Variants in VAT1L observed in about 807,000 individuals in gnomAD.
VAT1L encodes the protein putative NADPH-dependent quinone oxidoreductase VAT1L.
In VAT1L, 34 loss-of-function variants were observed where a neutral mutation model predicts 44.1. The observed-to-expected ratio is 0.77, with a 90% CI of 0.59 to 1.03. The LOEUF is 1.03. VAT1L is among the 50% of genes least tolerant of loss of function. The pLI is 0.00. For synonymous variants in VAT1L, 253 were observed against 202.2 expected, an observed-to-expected ratio of 1.25 and a Z score of -2.13; for missense variants, 615 against 538.8, an observed-to-expected ratio of 1.14 and a Z score of -1.40.
At chr16:77,954,426 A>G (rs1421360372) in intron 7 of VAT1L, among the ~76,000 whole-genome samples, 2 of 152,214 alleles carry the variant, frequency 1.3e-5, no homozygotes, top group Admixed American at 6.5e-5. Context: ...GGAGTTCGAG[A>G]CCAGCCTGAC....
intron 4 of VAT1L, among the ~76,000 whole-genome samples, chr16:77,865,351 T>G (rs1437774602): frequency 6.6e-6 from 1 of 152,172 alleles, no homozygotes; most frequent in African/African-American, 2.4e-5. Flanking sequence ...ATTGTTTCTT[T>G]GACTTCCTTA....
intron 7 of VAT1L, among the ~76,000 whole-genome samples, chr16:77,943,785 C>A (rs1458783664): frequency 1.3e-5 from 2 of 152,130 alleles, no homozygotes; most frequent in Admixed American, 6.6e-5. Context: ...AATGAAATTT[C>A]TAGGAGCACA....
At chr16:77,973,532 C>T (rs1248465533) in intron 8 of VAT1L, among the ~76,000 whole-genome samples, 1 of 152,170 alleles carries the variant, frequency 6.6e-6, no homozygotes, top group African/African-American at 2.4e-5. Context: ...ATACGCCCGC[C>T]TCAGCCTCCC....
At chr16:77,922,955 T>C (rs546052269) in intron 7 of VAT1L, among the ~76,000 whole-genome samples, 46 of 152,264 alleles carry the variant, frequency 3.0e-4, no homozygotes, top group African/African-American at 1.0e-3. Context: ...GTTTGTTCAA[T>C]CTTCGTTGAC....
At chr16:77,847,387 G>A (rs1020305906) in intron 3 of VAT1L, among the ~76,000 whole-genome samples, 12 of 152,290 alleles carry the variant, frequency 7.9e-5, no homozygotes, top group South Asian at 4.2e-4. Flanking sequence ...TGCTTCTGAC[G>A]TATAAACCTG....
At chr16:77,895,041 C>T (rs1263617699) in intron 7 of VAT1L, among the ~76,000 whole-genome samples, 1 of 151,010 alleles carries the variant, frequency 6.6e-6, no homozygotes, top group South Asian at 2.1e-4. Flanking sequence ...TGTGTGACTT[C>T]TTTCCCTTAA....
chr16:77,924,040 T>C (rs1474478716), intron 7 of VAT1L, among the ~76,000 whole-genome samples: 1 of 152,196 alleles, frequency 6.6e-6, no homozygotes, highest in East Asian at 1.9e-4. Flanking sequence ...CACTGGTTCT[T>C]ACCAGCTGTG....
At chr16:77,892,566 AG>A (rs1174151261) in intron 7 of VAT1L, 2 of 610,930 alleles carry the variant, frequency 3.3e-6, no homozygotes, top group Non-Finnish European at 6.4e-6. Flanking sequence ...TTTGGTTATA[AG>A]GGTTCATGCT....
At chr16:77,973,923 T>G (rs893994751) in intron 8 of VAT1L, among the ~76,000 whole-genome samples, 2 of 151,894 alleles carry the variant, frequency 1.3e-5, no homozygotes, top group Non-Finnish European at 2.9e-5. Context: ...AGACTGGGTT[T>G]CACCATGTTA....
intron 7 of VAT1L, among the ~76,000 whole-genome samples, chr16:77,948,701 C>A (rs886496047): frequency 1.3e-5 from 2 of 152,064 alleles, no homozygotes; most frequent in African/African-American, 4.8e-5. Context: ...AAGTAAATCC[C>A]AGACATAATA....
At position 77,967,836 on chromosome 16, in the gene VAT1L, A is replaced by G. The variant is rs954239731; in HGVS notation, c.1078-4014A>G. Among the ~76,000 whole-genome samples, 2 of 152,312 alleles carry G rather than the reference A, an allele frequency of 1.3e-5. 1 individual carries two copies. Among genetic ancestry groups the G allele is most frequent in the South Asian group, 4.1e-4 (2 of 4,824 alleles). ...ATAAATAACTGAATGCTGGAGATCT[A>G]TGACGTGAGACACTACCTACCTCAT... On this transcript the variant is annotated intron_variant, in intron 7 of 8. Coordinates refer to ENST00000302536, the MANE Select transcript of VAT1L (RefSeq NM_020927.3).
chr16:77,819,720 A>G (rs1428326671), intron 2 of VAT1L, among the ~76,000 whole-genome samples: 1 of 152,054 alleles, frequency 6.6e-6, no homozygotes, highest in African/African-American at 2.4e-5. Context: ...ATTGGTCTTC[A>G]CCCCTTCCGG....
intron 7 of VAT1L, among the ~76,000 whole-genome samples, chr16:77,896,375 T>TGGG (rs879293666): frequency 0.041 from 6,171 of 152,284 alleles, 245 homozygotes; most frequent in East Asian, 0.16. Context: ...CTTGCCTCCC[T>TGGG]CATTGACATG....
chr16:77,851,812 C>T (rs945040449), intron 3 of VAT1L, among the ~76,000 whole-genome samples: 1 of 152,138 alleles, frequency 6.6e-6, no homozygotes, highest in Non-Finnish European at 1.5e-5. Flanking sequence ...CCTGTCAGTG[C>T]CATAGCTAGG....
chr16:77,904,185 T>C (rs2017415291), intron 7 of VAT1L, among the ~76,000 whole-genome samples: 2 of 81,388 alleles, frequency 2.5e-5, no homozygotes, highest in Non-Finnish European at 2.8e-5. Flanking sequence ...ACTGATTTGC[T>C]TTTTTTTTTT....
intron 3 of VAT1L, among the ~76,000 whole-genome samples, chr16:77,844,558 A>G (rs970398775): frequency 2.0e-5 from 3 of 151,972 alleles, no homozygotes; most frequent in Non-Finnish European, 4.4e-5. Context: ...ACAGGTGCCC[A>G]CCACCACGCC....
intron 7 of VAT1L, among the ~76,000 whole-genome samples, chr16:77,938,205 C>A (rs1362615669): frequency 6.6e-6 from 1 of 152,154 alleles, no homozygotes; most frequent in African/African-American, 2.4e-5. Context: ...GGCCCTAATG[C>A]ACAGATGAAC....
intron 1 of VAT1L, among the ~76,000 whole-genome samples, chr16:77,799,599 G>T (rs2016009803): frequency 6.6e-6 from 1 of 150,662 alleles, no homozygotes; most frequent in Non-Finnish European, 1.5e-5. Context: ...ACTCCAAAAG[G>T]AATGGAGAGC....
chr16:77,959,569 C>T (rs1334259196), intron 7 of VAT1L, among the ~76,000 whole-genome samples: 2 of 152,076 alleles, frequency 1.3e-5, no homozygotes, highest in African/African-American at 4.8e-5. Flanking sequence ...GAATTACCCC[C>T]CTCTTGATTT....
Sources: gnomAD v4.1 joint callset for allele counts (sites outside exome capture counted in the v4.1 genomes callset) on GRCh38, gnomAD v4.1.1 for gene constraint, MANE v1.5 for transcripts, NCBI Gene and HGNC (gene_info 2026-07-23, HGNC 2026-07-21) for gene names.